Variants in G6PC2 observed in about 807,000 individuals in gnomAD.
G6PC2 encodes glucose-6-phosphatase catalytic subunit 2.
Under a neutral mutation model 35.4 loss-of-function variants are expected in G6PC2, and 41 were observed. That is an observed-to-expected ratio of 1.16 (90% confidence interval 0.90 to 1.50). G6PC2 has a LOEUF of 1.50. G6PC2 is among the 40% of genes most tolerant of loss of function. The pLI, the probability that G6PC2 is intolerant of heterozygous loss-of-function variation, is 0.00. For missense variants in G6PC2, 441 were observed against 426.5 expected (o/e 1.03, Z -0.30); for synonymous variants, 165 against 153.2 (o/e 1.08, Z -0.57).
Position 168,904,534 on chromosome 2 carries a change from T to C in G6PC2, c.358T>C (p.Ser120Pro). 1 of 1,611,584 alleles carries C rather than the reference T, an allele frequency of 6.2e-7. No homozygotes were observed. Among genetic ancestry groups the C allele is most frequent in the Non-Finnish European group, 8.5e-7 (1 of 1,177,658 alleles). ...GSPSGHAMGA[S>P]CVWYVMVTAA... ...TCCATCTGGCCATGCAATGGGCGCATCCTGTGTCTGGTATGTCATGGTAAC... is the reference window on the plus strand; with the variant it reads ...TCCATCTGGCCATGCAATGGGCGCACCCTGTGTCTGGTATGTCATGGTAAC... Residue 120 changes from serine (S) to proline (P), a missense_variant, in exon 3 of 5, where the codon TCC becomes CCC. By Grantham distance (74) the Ser-to-Pro change is moderately conservative (BLOSUM62 -1). Transcript: ENST00000375363.
intron 2 of G6PC2, among the ~76,000 whole-genome samples, chr2:168,903,208 C>T (rs1476262061): frequency 1.3e-5 from 2 of 152,128 alleles, no homozygotes; most frequent in Non-Finnish European, 2.9e-5. Flanking sequence ...TTAAAAATTA[C>T]ATTTTAATTT....
intron 3 of G6PC2, among the ~76,000 whole-genome samples, chr2:168,906,194 T>G (rs1016285643): frequency 6.6e-6 from 1 of 151,632 alleles, no homozygotes; most frequent in Non-Finnish European, 1.5e-5. Context: ...CCAGATGGAA[T>G]GCTCATGCGC....
intron 2 of G6PC2, chr2:168,902,869 A>C: frequency 2.7e-6 from 1 of 376,090 alleles, no homozygotes; most frequent in Non-Finnish European, 5.0e-6. Context: ...ACAAATTCTC[A>C]AGGAACTAGA....
chr2:168,901,758 CAG>C (rs1690601141), intron 1 of G6PC2, among the ~76,000 whole-genome samples: 1 of 137,772 alleles, frequency 7.3e-6, no homozygotes, highest in East Asian at 2.2e-4. Flanking sequence ...TTTTTTGAGA[CAG>C]AGTTTTGCCC....
At chr2:168,907,016 C>CT (rs1034846726) in intron 4 of G6PC2, among the ~76,000 whole-genome samples, 2 of 152,158 alleles carry the variant, frequency 1.3e-5, no homozygotes, top group African/African-American at 4.8e-5. Flanking sequence ...ATGAGGTAGG[C>CT]TTTTCTGAAG....
chr2:168,906,238 G>A (rs1330133694), intron 3 of G6PC2, among the ~76,000 whole-genome samples: 2 of 152,024 alleles, frequency 1.3e-5, no homozygotes, highest in Non-Finnish European at 2.9e-5. Context: ...TTTCTACTGA[G>A]TTTTCCTCAA....
Position 168,909,330 on chromosome 2 carries a change from C to T in G6PC2, c.*1251C>T, listed in dbSNP as rs969699186. 14 of 152,202 alleles carry T rather than the reference C, an allele frequency of 9.2e-5. No individual in the cohort carries two copies. The highest frequency in any genetic ancestry group is 3.4e-4 in the African/African-American group (14 of 41,452). 9.4% of individuals were successfully genotyped at this position (152,202 alleles called of 1,614,324 possible). A position where few individuals can be genotyped will look rare whatever the true frequency, so the allele number is the denominator to read the frequency against. ...CAATATTTCAATAAATTCTACTGAA[C>T]TTACTCTAATAGAACATTATTCAAC... On this transcript the variant is annotated 3_prime_UTR_variant, in exon 5 of 5. Transcript: ENST00000375363.
chr2:168,904,488 A>G lies in G6PC2; in HGVS notation c.329-17A>G, dbSNP rs1466981892. 5 of 1,341,140 alleles carry G rather than the reference A, an allele frequency of 3.7e-6. No homozygotes were observed. Among genetic ancestry groups the G allele is most frequent in the Middle Eastern group, 3.6e-4 (2 of 5,584 alleles). The allele number at this position is 1,341,140 out of a possible 1,614,324, so 83.1% of individuals were successfully genotyped here. A position where few individuals can be genotyped will look rare whatever the true frequency, so the allele number is the denominator to read the frequency against. On this transcript the variant is annotated splice_polypyrimidine_tract_variant and intron_variant, in intron 2 of 4. Coordinates refer to ENST00000375363, the MANE Select transcript of G6PC2 (RefSeq NM_021176.3). Reference sequence around the variant, plus strand: ...AGTTAACCACTTTTCAAATGGACGGACACTTTGTTGTTGCAGGAAGTCCAT... The same window carrying G: ...AGTTAACCACTTTTCAAATGGACGGGCACTTTGTTGTTGCAGGAAGTCCAT...
intron 1 of G6PC2, 65 bp from the exon 2 acceptor site, chr2:168,902,380 A>G (rs995056363): frequency 5.2e-6 from 4 of 764,160 alleles, no homozygotes; most frequent in Non-Finnish European, 9.5e-6. Context: ...AGAATTGCTA[A>G]TCTCCAATTA....
At chr2:168,906,093 CA>C (rs1690704064) in intron 3 of G6PC2, among the ~76,000 whole-genome samples, 2 of 118,694 alleles carry the variant, frequency 1.7e-5, no homozygotes, top group Non-Finnish European at 3.6e-5. Flanking sequence ...AAAAAACAAA[CA>C]AAACAAAACC....
intron 2 of G6PC2, among the ~76,000 whole-genome samples, chr2:168,902,784 G>A (rs1690628463): frequency 1.3e-5 from 2 of 152,188 alleles, no homozygotes; most frequent in South Asian, 4.1e-4. Context: ...AACTCCCCCA[G>A]TGATTAAATA....
In G6PC2 at chr2:168,901,508, G is replaced by T; in HGVS notation, c.177G>T (p.Trp59Cys). The T allele has an allele frequency of 6.3e-7, 1 of 1,588,282 alleles. No homozygotes were observed. The highest frequency in any genetic ancestry group is 8.6e-7 in the Non-Finnish European group (1 of 1,156,726). The change falls in exon 1 of 5, where the codon TGG becomes TGT. Residue 59 changes from tryptophan to cysteine, a missense_variant. By Grantham distance (215) the Trp-to-Cys change is radical. Coordinates refer to ENST00000375363, the MANE Select transcript of G6PC2 (RefSeq NM_021176.3). The stretch of plus-strand genomic sequence containing the variant: ...AGACAGTTGGAACCAAGATGATATG[G>T]GTAGCAGTCATTGGGGATTGGTTAA... ...FNQTVGTKMI[W>C]VAVIGDWLNL...
chr2:168,908,184 G>A lies in G6PC2; in HGVS notation c.*105G>A. On this transcript the variant is annotated 3_prime_UTR_variant, in exon 5 of 5. Coordinates refer to ENST00000375363, the MANE Select transcript of G6PC2 (RefSeq NM_021176.3). The stretch of plus-strand genomic sequence containing the variant: ...CAGAGGCTTCTAATCCGACTTCACA[G>A]AATAGCGGCACAGGCCCCATTCCCC... 1 of 953,320 alleles carries A rather than the reference G, an allele frequency of 1.0e-6. No homozygotes were observed. The highest frequency in any genetic ancestry group is 1.7e-6 in the Non-Finnish European group (1 of 589,422). 59.1% of individuals were successfully genotyped at this position (953,320 alleles called of 1,614,324 possible). A position where few individuals can be genotyped will look rare whatever the true frequency, so the allele number is the denominator to read the frequency against.
intron 3 of G6PC2, 88 bp from the exon 4 acceptor site, chr2:168,906,572 CTTCT>C (rs1690716639): frequency 5.2e-6 from 4 of 768,694 alleles, no homozygotes; most frequent in Non-Finnish European, 9.6e-6. Flanking sequence ...TTAGAAGATT[CTTCT>C]GAGAAGGATC....
At chr2:168,902,363 A>G (rs1690616586) in intron 1 of G6PC2, 82 bp from the exon 2 acceptor site, 1 of 733,984 alleles carries the variant, frequency 1.4e-6, no homozygotes. Context: ...GTCATTTTTT[A>G]TAGGAAAGAA....
At chr2:168,904,406 G>A (rs1263740307) in intron 2 of G6PC2, 99 bp from the exon 3 acceptor site, 2 of 785,306 alleles carry the variant, frequency 2.5e-6, no homozygotes, top group Non-Finnish European at 4.7e-6. Flanking sequence ...TTTTTTCTGA[G>A]TTACTCATAA....
intron 4 of G6PC2, among the ~76,000 whole-genome samples, chr2:168,907,324 G>T (rs1045535621): frequency 2.6e-5 from 4 of 152,120 alleles, no homozygotes; most frequent in African/African-American, 9.7e-5. Flanking sequence ...CTAAAAAGCG[G>T]GTTGTCAGTC....
At position 168,901,457 on chromosome 2, in the gene G6PC2, T is replaced by C; in HGVS notation, c.126T>C (p.Tyr42=). The C allele has an allele frequency of 6.2e-7, 1 of 1,601,460 alleles. No homozygotes were observed. Among genetic ancestry groups the C allele is most frequent in the Non-Finnish European group, 8.6e-7 (1 of 1,168,452 alleles). The change falls in exon 1 of 5, where the codon TAT becomes TAC. Residue 42 remains tyrosine (Y), a synonymous_variant. Transcript: ENST00000375363. ...ACCCCAGGAATATCTTTTTCATTTATTTTCCACTTTGTTTTCAATTTAATC... is the reference window on the plus strand; with the variant it reads ...ACCCCAGGAATATCTTTTTCATTTACTTTCCACTTTGTTTTCAATTTAATC... ...VGDPRNIFFI[Y]FPLCFQFNQT...
At position 168,906,655 on chromosome 2, in the gene G6PC2, C is replaced by T; in HGVS notation, c.441-9C>T. ...GCTTTTTATGCTTGTATCTATTCTTCCATCGTAGACTGACCTGGTCATTTC... is the reference window on the plus strand; with the variant it reads ...GCTTTTTATGCTTGTATCTATTCTTTCATCGTAGACTGACCTGGTCATTTC... On this transcript the variant is annotated splice_polypyrimidine_tract_variant and intron_variant, in intron 3 of 4. Coordinates refer to ENST00000375363, the MANE Select transcript of G6PC2 (RefSeq NM_021176.3). 2.2e-6 allele frequency: 3 copies of T among 1,380,566 alleles called. No homozygotes were observed. The highest frequency in any genetic ancestry group is 1.7e-5 in the Admixed American group (1 of 59,718). The allele number at this position is 1,380,566 out of a possible 1,614,324, so 85.5% of individuals were successfully genotyped here.
Sources: allele counts gnomAD v4.1 joint callset (sites outside exome capture counted in the v4.1 genomes callset), GRCh38; gene constraint gnomAD v4.1.1; transcripts MANE v1.5; gene names NCBI Gene and HGNC (gene_info 2026-07-23, HGNC 2026-07-21).